Variants in FBXL13 observed in about 807,000 individuals in gnomAD.
The protein encoded by FBXL13 is F-box and leucine rich repeat protein 13.
Under a neutral mutation model 83.6 loss-of-function variants are expected in FBXL13, and 67 were observed. The observed-to-expected ratio is 0.80, with a 90% CI of 0.66 to 0.98. The LOEUF (loss-of-function observed/expected upper bound fraction) is 0.98, where lower values mean the gene tolerates loss of function less well. Ranked by LOEUF, FBXL13 falls within the 50% of genes least tolerant of loss-of-function variation. The pLI, the probability that FBXL13 is intolerant of heterozygous loss-of-function variation, is 0.00. For missense variants in FBXL13, 822 were observed against 866.5 expected, an observed-to-expected ratio of 0.95 and a Z score of 0.64; for synonymous variants, 272 against 299.5, an observed-to-expected ratio of 0.91 and a Z score of 0.95.
intron 8 of FBXL13, chr7:102,944,503 T>A (rs1822092794): frequency 6.2e-7 from 1 of 1,613,918 alleles, no homozygotes; most frequent in African/African-American, 1.3e-5. Flanking sequence ...GTTACCAGCA[T>A]ATCCTGAGTC....
intron 8 of FBXL13, among the ~76,000 whole-genome samples, chr7:102,949,225 T>A (rs755805443): frequency 1.8e-4 from 28 of 152,150 alleles, no homozygotes; most frequent in Non-Finnish European, 3.4e-4. Flanking sequence ...GGGTTGGTAG[T>A]GGGGCAGGAG....
At chr7:102,894,982 C>T (rs368154760) in intron 11 of FBXL13, among the ~76,000 whole-genome samples, 1 of 152,116 alleles carries the variant, frequency 6.6e-6, no homozygotes. Flanking sequence ...ATTTGTCAAG[C>T]TTATCAAAGT....
At chr7:103,044,216 T>A (rs1304786104) in intron 2 of FBXL13, among the ~76,000 whole-genome samples, 4 of 152,204 alleles carry the variant, frequency 2.6e-5, no homozygotes, top group African/African-American at 4.8e-5. Flanking sequence ...AAATTACCCG[T>A]TTCCTTCAAT....
intron 11 of FBXL13, among the ~76,000 whole-genome samples, chr7:102,889,041 A>G (rs1264733643): frequency 6.6e-6 from 1 of 152,220 alleles, no homozygotes; most frequent in East Asian, 1.9e-4. Context: ...AATGTCTGGC[A>G]TGTAATATTG....
At chr7:103,008,412 A>G (rs1288620363) in intron 6 of FBXL13, among the ~76,000 whole-genome samples, 1 of 152,206 alleles carries the variant, frequency 6.6e-6, no homozygotes, top group East Asian at 1.9e-4. Context: ...GTTTATAGGA[A>G]ATACATCAAT....
chr7:103,068,369 A>G (rs1001797408), intron 1 of FBXL13, among the ~76,000 whole-genome samples: 1 of 152,196 alleles, frequency 6.6e-6, no homozygotes, highest in African/African-American at 2.4e-5. Flanking sequence ...GGAGCCAAGG[A>G]AGACACCTAA....
At chr7:102,992,678 C>T (rs932860404) in intron 6 of FBXL13, among the ~76,000 whole-genome samples, 5 of 152,194 alleles carry the variant, frequency 3.3e-5, no homozygotes, top group African/African-American at 1.2e-4. Context: ...AGTCACAGCT[C>T]ACTGCAGCCT....
intron 18 of FBXL13, among the ~76,000 whole-genome samples, chr7:102,831,749 G>A (rs1800744642): frequency 6.6e-6 from 1 of 152,088 alleles, no homozygotes. Context: ...TCTCTGGTCT[G>A]CTAAATTAGT....
chr7:102,823,548 A>G (rs1799105204), intron 18 of FBXL13, among the ~76,000 whole-genome samples: 1 of 152,226 alleles, frequency 6.6e-6, no homozygotes, highest in Non-Finnish European at 1.5e-5. Context: ...GATGTCCTAC[A>G]GAGGTAATTC....
At position 102,942,367 on chromosome 7, in the gene FBXL13, T is replaced by C. The variant is rs1284396313; in HGVS notation, c.725-10434A>G. 3.3e-6 allele frequency: 5 copies of C among 1,526,104 alleles called. No individual in the cohort carries two copies. The East Asian group carries it at 1.2e-4, about 37-fold the overall frequency. The allele number at this position is 1,526,104 out of a possible 1,614,324, so 94.5% of individuals were successfully genotyped here. Reference sequence around the variant, plus strand: ...GGTAAGTATACAAATGCAGTGGGAGTTGCCAGACTTTAAAAGACGTGAATA... The same window carrying C: ...GGTAAGTATACAAATGCAGTGGGAGCTGCCAGACTTTAAAAGACGTGAATA... On this transcript the variant is annotated intron_variant, in intron 8 of 19. Transcript: ENST00000313221.
chr7:102,996,299 T>C (rs1789779555), intron 6 of FBXL13, among the ~76,000 whole-genome samples: 1 of 152,186 alleles, frequency 6.6e-6, no homozygotes, highest in African/African-American at 2.4e-5. Context: ...TCTTCAGTAG[T>C]TGGCTTTTTT....
chr7:103,024,904 A>T (rs566250836), intron 6 of FBXL13, among the ~76,000 whole-genome samples, 159 bp downstream of exon 7: 14 of 112,628 alleles, frequency 1.2e-4, no homozygotes, highest in Middle Eastern at 7.6e-3. Flanking sequence ...ATTGTCGCCC[A>T]GGCTGGAGTG....
intron 18 of FBXL13, among the ~76,000 whole-genome samples, chr7:102,825,138 C>A (rs188511759): frequency 1.6e-3 from 251 of 152,214 alleles, no homozygotes; most frequent in Non-Finnish European, 2.3e-3. Flanking sequence ...AAGTTTTGGA[C>A]TGTTACCCTT....
intron 11 of FBXL13, among the ~76,000 whole-genome samples, chr7:102,911,076 G>GT (rs1415168342): frequency 6.6e-6 from 1 of 152,182 alleles, no homozygotes; most frequent in Non-Finnish European, 1.5e-5. Flanking sequence ...GCATACAAAG[G>GT]TGTTTTTTCT....
rs1220962607 is a variant in FBXL13, at chr7:102,854,871, T to A, written c.1636-11A>T. The stretch of plus-strand genomic sequence containing the variant: ...AAGCACATTCAAACCCTAAAAATAT[T>A]TAATATAAAGATCATTTTGTGATTA... On this transcript the variant is annotated splice_polypyrimidine_tract_variant and intron_variant, in intron 16 of 19. Coordinates refer to ENST00000313221, the Ensembl canonical transcript of FBXL13. 3 of 1,450,490 alleles carry A rather than the reference T, an allele frequency of 2.1e-6. No homozygotes were observed. Among genetic ancestry groups the A allele is most frequent in the Non-Finnish European group, 2.9e-6 (3 of 1,046,502 alleles). The allele number at this position is 1,450,490 out of a possible 1,614,324, so 89.9% of individuals were successfully genotyped here. A position where few individuals can be genotyped will look rare whatever the true frequency, so the allele number is the denominator to read the frequency against.
At chr7:102,910,708 G>A (rs1280530544) in intron 11 of FBXL13, among the ~76,000 whole-genome samples, 1 of 152,104 alleles carries the variant, frequency 6.6e-6, no homozygotes, top group Non-Finnish European at 1.5e-5. Context: ...CCATAAGGGT[G>A]ACAGCCAACA....
At chr7:102,858,059 T>C (rs570769571) in intron 16 of FBXL13, among the ~76,000 whole-genome samples, 1 of 152,202 alleles carries the variant, frequency 6.6e-6, no homozygotes, top group African/African-American at 2.4e-5. Flanking sequence ...CAAATGTTCA[T>C]CAACAGACAA....
intron 10 of FBXL13, 90 bp downstream of exon 11, chr7:102,926,184 G>C: frequency 9.6e-7 from 1 of 1,036,808 alleles, no homozygotes; most frequent in East Asian, 2.6e-5. Flanking sequence ...TGTTGATAAA[G>C]GGAGCACTGC....
At chr7:102,920,290 A>G (rs1463766365) in intron 10 of FBXL13, among the ~76,000 whole-genome samples, 1 of 152,252 alleles carries the variant, frequency 6.6e-6, no homozygotes, top group African/African-American at 2.4e-5. Context: ...TCACAGAGCA[A>G]AAGACAGAAA....
Sources: allele counts gnomAD v4.1 joint callset (sites outside exome capture counted in the v4.1 genomes callset), GRCh38; gene constraint gnomAD v4.1.1; transcripts MANE v1.5; gene names NCBI Gene and HGNC (gene_info 2026-07-23, HGNC 2026-07-21).